The following KLHL29 variants were observed in gnomAD, a reference collection of about 807,000 sequenced individuals.
KLHL29 encodes kelch-like protein 29.
In KLHL29, 21 loss-of-function variants were observed where a neutral mutation model predicts 80.4. The observed-to-expected ratio is 0.26, with a 90% CI of 0.19 to 0.38. The LOEUF (loss-of-function observed/expected upper bound fraction) is 0.38, where lower values mean the gene tolerates loss of function less well. Among genes scored for constraint, KLHL29 ranks in the 10% least tolerant of loss-of-function variants. The pLI is 1.00. For missense variants in KLHL29, 867 were observed against 1,223.9 expected, an observed-to-expected ratio of 0.71 and a Z score of 4.35; for synonymous variants, 511 against 526.8, an observed-to-expected ratio of 0.97 and a Z score of 0.41.
chr2:23,478,373 C>T (rs1009088050), intron 2 of KLHL29, among the ~76,000 whole-genome samples: 1 of 152,134 alleles, frequency 6.6e-6, no homozygotes, highest in African/African-American at 2.4e-5. Context: ...TCTGTGACCC[C>T]TGGGGATCAG....
Position 23,503,412 on chromosome 2 carries a change from A to G in KLHL29, c.-46+27745A>G, listed in dbSNP as rs1310185875. Among the ~76,000 whole-genome samples, 4 of 152,012 alleles carry G rather than the reference A, an allele frequency of 2.6e-5. No homozygotes were observed. Among genetic ancestry groups the G allele is most frequent in the East Asian group, 3.9e-4 (2 of 5,188 alleles). ...CTCTTTGTTATCTTTGGCCACTTAC[A>G]TGTTTGCCATGATCATTGCCAATCA... On this transcript the variant is annotated intron_variant, in intron 2 of 13. Coordinates refer to ENST00000486442, the MANE Select transcript of KLHL29 (RefSeq NM_052920.2). The surrounding 1 kb of genome is among the most constrained non-coding windows in gnomAD (Gnocchi z 4.0).
chr2:23,438,666 TG>T (rs1368859868), intron 1 of KLHL29, among the ~76,000 whole-genome samples: 4 of 149,690 alleles, frequency 2.7e-5, no homozygotes, highest in Non-Finnish European at 5.9e-5. Flanking sequence ...GAAGCCCACT[TG>T]ATCGTGGTGG....
chr2:23,403,975 G>A (rs559191533), intron 1 of KLHL29, among the ~76,000 whole-genome samples: 96 of 152,242 alleles, frequency 6.3e-4, no homozygotes, highest in African/African-American at 2.1e-3. Context: ...CGATGCCTTT[G>A]ACTGCCTACT....
At chr2:23,459,798 CAAGATA>C (rs1242639312) in intron 1 of KLHL29, among the ~76,000 whole-genome samples, 1 of 152,118 alleles carries the variant, frequency 6.6e-6, no homozygotes, top group African/African-American at 2.4e-5. Flanking sequence ...GGATAGCACA[CAAGATA>C]AAGAGTGGAA....
chr2:23,418,719 G>T (rs1662682022), intron 1 of KLHL29, among the ~76,000 whole-genome samples: 1 of 152,148 alleles, frequency 6.6e-6, no homozygotes, highest in South Asian at 2.1e-4. Flanking sequence ...TATGAACTTT[G>T]TTAGTGACTT....
intron 1 of KLHL29, among the ~76,000 whole-genome samples, chr2:23,470,028 A>AT (rs1411697006): frequency 1.3e-5 from 2 of 151,416 alleles, no homozygotes; most frequent in Admixed American, 1.3e-4. Flanking sequence ...AAAAAAAAAA[A>AT]GATTTTAAGA....
intron 3 of KLHL29, among the ~76,000 whole-genome samples, chr2:23,583,485 A>G (rs1483574773): frequency 6.6e-6 from 1 of 152,182 alleles, no homozygotes; most frequent in African/African-American, 2.4e-5. Context: ...GCTTCCTATA[A>G]CATATGGACT....
At chr2:23,546,014 C>T (rs1413085604) in intron 2 of KLHL29, among the ~76,000 whole-genome samples, 1 of 152,222 alleles carries the variant, frequency 6.6e-6, no homozygotes, top group East Asian at 1.9e-4. Flanking sequence ...GCCTACAGAC[C>T]GGGTTGGGCT....
At chr2:23,430,292 A>G (rs575240519) in intron 1 of KLHL29, among the ~76,000 whole-genome samples, 1 of 152,316 alleles carries the variant, frequency 6.6e-6, no homozygotes, top group African/African-American at 2.4e-5. Context: ...TATGTTGAGA[A>G]CAATTGTACT....
chr2:23,430,989 TG>T (rs1663160033), intron 1 of KLHL29, among the ~76,000 whole-genome samples: 1 of 152,216 alleles, frequency 6.6e-6, no homozygotes, highest in Admixed American at 6.5e-5. Context: ...ATCCCTACAC[TG>T]AAAGGATGCA....
intron 2 of KLHL29, among the ~76,000 whole-genome samples, chr2:23,547,651 CA>C (rs1667011346): frequency 2.6e-5 from 4 of 151,908 alleles, no homozygotes; most frequent in African/African-American, 9.7e-5. Flanking sequence ...ACATCGTGCC[CA>C]AAAGTGACCA....
intron 2 of KLHL29, among the ~76,000 whole-genome samples, chr2:23,513,976 ATCT>A (rs1048121454): frequency 2.0e-4 from 31 of 152,272 alleles, no homozygotes; most frequent in African/African-American, 7.0e-4. Context: ...GAATAACCAA[ATCT>A]TCTAAGGAGT....
At chr2:23,583,468 C>T (rs1420589003) in intron 3 of KLHL29, among the ~76,000 whole-genome samples, 1 of 152,224 alleles carries the variant, frequency 6.6e-6, no homozygotes, top group Non-Finnish European at 1.5e-5. Context: ...CTAATGATCA[C>T]CTGCCTGCTT....
At chr2:23,439,440 G>A (rs1418711032) in intron 1 of KLHL29, among the ~76,000 whole-genome samples, 1 of 149,766 alleles carries the variant, frequency 6.7e-6, no homozygotes, top group African/African-American at 2.5e-5. Flanking sequence ...TTTCTCTTGT[G>A]GGCATTTAGT....
chr2:23,421,991 T>G (rs78528777), intron 1 of KLHL29, among the ~76,000 whole-genome samples: 4 of 151,166 alleles, frequency 2.6e-5, no homozygotes, highest in South Asian at 2.1e-4. Context: ...GTTCATGTGT[T>G]TGTCTCTGTC....
At chr2:23,685,165 T>A (rs1284837348) in intron 6 of KLHL29, 1 of 152,374 alleles carries the variant, frequency 6.6e-6, no homozygotes, top group Non-Finnish European at 1.5e-5. Flanking sequence ...ACGGTCTCTC[T>A]CAACCCTTGC....
chr2:23,442,230 A>G (rs1343578049), intron 1 of KLHL29, among the ~76,000 whole-genome samples: 12 of 152,106 alleles, frequency 7.9e-5, no homozygotes, highest in Non-Finnish European at 1.2e-4. Context: ...AGCTGAGACC[A>G]CAGACTTGTG....
intron 2 of KLHL29, among the ~76,000 whole-genome samples, chr2:23,539,633 G>A (rs1380757985): frequency 1.3e-5 from 2 of 151,320 alleles, no homozygotes; most frequent in African/African-American, 2.4e-5. Flanking sequence ...TAAGAGATGG[G>A]GTCTCACTAT....
intron 3 of KLHL29, among the ~76,000 whole-genome samples, chr2:23,628,155 C>T (rs1669369062): frequency 6.6e-6 from 1 of 152,118 alleles, no homozygotes; most frequent in South Asian, 2.1e-4. Flanking sequence ...CGTGATCCAC[C>T]CGCATTGGCC....
Sources: allele counts gnomAD v4.1 joint callset (sites outside exome capture counted in the v4.1 genomes callset), GRCh38; gene constraint gnomAD v4.1.1; non-coding constraint Gnocchi (gnomAD v3.1); transcripts MANE v1.5; gene names NCBI Gene and HGNC (gene_info 2026-07-23, HGNC 2026-07-21).